The following PIWIL4 variants were observed in gnomAD, a reference collection of about 807,000 sequenced individuals.
PIWIL4 encodes piwi-like protein 4.
Under a neutral mutation model 100.9 loss-of-function variants are expected in PIWIL4, and 50 were observed. That is an observed-to-expected ratio of 0.50 (90% CI 0.39 to 0.63). The LOEUF (loss-of-function observed/expected upper bound fraction) is 0.63. Among genes scored for constraint, PIWIL4 ranks in the 20% least tolerant of loss-of-function variants. PIWIL4 has a pLI of 0.00. For synonymous variants in PIWIL4, 342 were observed against 367.5 expected (o/e 0.93, Z 0.79); for missense variants, 887 against 1,043.3 (o/e 0.85, Z 2.06).
At chr11:94,596,629 C>T (rs918692754) in intron 10 of PIWIL4, among the ~76,000 whole-genome samples, 1 of 152,078 alleles carries the variant, frequency 6.6e-6, no homozygotes, top group Non-Finnish European at 1.5e-5. Context: ...GTCATTTACC[C>T]TGGACGTCCC....
At chr11:94,588,231 C>T (rs1390245461) in intron 7 of PIWIL4, among the ~76,000 whole-genome samples, 4 of 152,008 alleles carry the variant, frequency 2.6e-5, no homozygotes, top group Non-Finnish European at 5.9e-5. Context: ...CTGTTCCTGC[C>T]CTGGTTTGCT....
At chr11:94,605,895 C>G (rs1369184737) in intron 13 of PIWIL4, among the ~76,000 whole-genome samples, 1 of 152,186 alleles carries the variant, frequency 6.6e-6, no homozygotes, top group Non-Finnish European at 1.5e-5. Context: ...TTTCATGTGT[C>G]TCCATCTTTC....
At chr11:94,591,030 AG>A (rs11324653) in intron 8 of PIWIL4, among the ~76,000 whole-genome samples, 10,375 of 152,278 alleles carry the variant, frequency 0.068, 722 homozygotes, top group African/African-American at 0.17. Context: ...TTCATGGTGT[AG>A]TGTAAGAACC....
chr11:94,594,242 G>A (rs1048665886), intron 9 of PIWIL4, among the ~76,000 whole-genome samples: 5 of 152,048 alleles, frequency 3.3e-5, no homozygotes, highest in Admixed American at 6.5e-5. Context: ...CAAGGCGGGC[G>A]GATCACCTGA....
chr11:94,608,545 C>A (rs370446402), intron 14 of PIWIL4, 38 bp from the exon 15 acceptor site: 10 of 1,547,362 alleles, frequency 6.5e-6, no homozygotes, highest in Middle Eastern at 1.7e-4. Flanking sequence ...GGAAATGATA[C>A]CTCATCCCAT....
Position 94,568,715 on chromosome 11 carries a change from T to G in PIWIL4, c.88-15T>G. 1 of 1,574,566 alleles carries G rather than the reference T, an allele frequency of 6.4e-7. No homozygotes were observed. Among genetic ancestry groups the G allele is most frequent in the Non-Finnish European group, 8.7e-7 (1 of 1,144,332 alleles). On this transcript the variant is annotated splice_polypyrimidine_tract_variant and intron_variant, in intron 1 of 19. Transcript: ENST00000299001. The stretch of plus-strand genomic sequence containing the variant: ...CCATTGTAAATCTGAACAAAACTTT[T>G]TTTTGCCATTTTAGCCTAGATCTGT...
intron 4 of PIWIL4, among the ~76,000 whole-genome samples, chr11:94,578,499 T>C (rs1266085727): frequency 6.6e-6 from 1 of 152,254 alleles, no homozygotes; most frequent in Non-Finnish European, 1.5e-5. Context: ...ATAGATGGTC[T>C]GCAGCAGGCT....
At chr11:94,589,474 G>C (rs528473896) in intron 8 of PIWIL4, among the ~76,000 whole-genome samples, 5 of 152,124 alleles carry the variant, frequency 3.3e-5, no homozygotes, top group South Asian at 2.1e-4. Flanking sequence ...CACACTGCTC[G>C]CAACGCTAAT....
At chr11:94,604,645 C>T (rs920260288) in intron 13 of PIWIL4, among the ~76,000 whole-genome samples, 88 of 152,188 alleles carry the variant, frequency 5.8e-4, no homozygotes, top group African/African-American at 2.0e-3. Context: ...GAATTGACAT[C>T]CCTGTTCTTA....
In PIWIL4 at chr11:94,587,168, GCTCT is replaced by G. The variant is rs774125713; in HGVS notation, c.838_841del (p.Leu280ValfsTer17). ...TGAGACGGTTCTGGAATTCATGACT[GCTCT>G]CTGTCAAAGAACTGGCTTGTCCTGT... is the stretch of plus-strand genomic sequence containing the variant. On this transcript the variant is annotated frameshift_variant, in exon 7 of 20. Coordinates refer to ENST00000299001, the MANE Select transcript of PIWIL4 (RefSeq NM_152431.3). LOFTEE classifies it high-confidence loss of function. 6.2e-7 allele frequency: 1 copy of G among 1,614,028 alleles called. No individual in the cohort carries two copies. The highest frequency in any genetic ancestry group is 1.3e-5 in the African/African-American group (1 of 74,918).
intron 8 of PIWIL4, among the ~76,000 whole-genome samples, chr11:94,591,571 G>T (rs555672752): frequency 2.0e-5 from 3 of 152,144 alleles, no homozygotes; most frequent in Admixed American, 6.5e-5. Flanking sequence ...TAAACATTTG[G>T]GTTTCTTTCT....
chr11:94,613,362 T>C (rs962166221), intron 15 of PIWIL4, among the ~76,000 whole-genome samples: 1 of 152,212 alleles, frequency 6.6e-6, no homozygotes, highest in South Asian at 2.1e-4. Context: ...GTAATAAGCC[T>C]CTCTTCTTGC....
chr11:94,575,088 T>C lies in PIWIL4; in HGVS notation c.256T>C (p.Cys86Arg). ...NKQDFMDLSI[C>R]TREKLAHVRN... ...ACAGGACTTTATGGATTTGAGTATC[T>C]GTACCAGAGAAAAATTGGCACATGT... Residue 86 changes from cysteine (C) to arginine (R), a missense_variant, in exon 3 of 20, where the codon TGT (cysteine) becomes CGT (arginine). Coordinates refer to ENST00000299001, the MANE Select transcript of PIWIL4 (RefSeq NM_152431.3). The C allele has an allele frequency of 2.5e-6, 4 of 1,613,954 alleles. No individual in the cohort carries two copies. In the Admixed American group the frequency reaches 5.0e-5, roughly 20 times the overall value.
intron 5 of PIWIL4, among the ~76,000 whole-genome samples, chr11:94,584,959 C>T (rs1948378169): frequency 6.6e-6 from 1 of 152,122 alleles, no homozygotes; most frequent in South Asian, 2.1e-4. Flanking sequence ...CCAGCTACTG[C>T]GGAGGCTGAG....
chr11:94,614,300 C>CTTTTTTTTTTTTT (rs57731239), intron 15 of PIWIL4, among the ~76,000 whole-genome samples: 4 of 120,130 alleles, frequency 3.3e-5, no homozygotes, highest in East Asian at 2.4e-4. Context: ...TTTTTCTTTT[C>CTTTTTTTTTTTTT]TTTTTTTTTT....
intron 10 of PIWIL4, among the ~76,000 whole-genome samples, chr11:94,595,648 T>C (rs897143350): frequency 1.3e-5 from 2 of 152,228 alleles, no homozygotes; most frequent in Non-Finnish European, 2.9e-5. Flanking sequence ...TTGCTTTACC[T>C]CCATGCCCTG....
chr11:94,615,795 A>T (rs1948840100), intron 15 of PIWIL4, among the ~76,000 whole-genome samples: 1 of 152,046 alleles, frequency 6.6e-6, no homozygotes, highest in Admixed American at 6.6e-5. Flanking sequence ...GCGCCACCAC[A>T]TGTAGCTGTA....
At chr11:94,616,012 T>C (rs1192027410) in intron 15 of PIWIL4, among the ~76,000 whole-genome samples, 2 of 152,250 alleles carry the variant, frequency 1.3e-5, no homozygotes, top group Non-Finnish European at 2.9e-5. Flanking sequence ...AATCTTTGAA[T>C]ATTTTGACAG....
Position 94,597,831 on chromosome 11 carries a change from G to A in PIWIL4, c.1296G>A (p.Glu432=), listed in dbSNP as rs577927543. Residue 432 remains glutamate (E), a synonymous_variant, in exon 11 of 20, where the codon GAG becomes GAA. Transcript: ENST00000299001. The stretch of plus-strand genomic sequence containing the variant: ...ATACCAATGCTCGCTTTGAACTAGA[G>A]ACCTGGGGACTGCATTTTGGAAGCC... The part of the protein sequence containing the change: ...QRNTNARFEL[E]TWGLHFGSQI... 1.2e-5 allele frequency: 19 copies of A among 1,613,882 alleles called. No individual in the cohort carries two copies. The South Asian group carries it at 1.6e-4, about 14-fold the overall frequency.
Sources: allele counts gnomAD v4.1 joint callset (sites outside exome capture counted in the v4.1 genomes callset), GRCh38; gene constraint gnomAD v4.1.1; transcripts MANE v1.5; gene names NCBI Gene and HGNC (gene_info 2026-07-23, HGNC 2026-07-21).